GSTA5: variants seen among roughly 807,000 people sequenced by gnomAD.
GSTA5 encodes glutathione S-transferase A5.
GSTA5 carries 25 observed loss-of-function variants against 21.8 expected under a neutral mutation model. The ratio of observed to expected loss-of-function variants is 1.14; its 90% CI spans 0.83 to 1.60. The LOEUF (loss-of-function observed/expected upper bound fraction) is 1.60, where lower values mean the gene tolerates loss of function less well. GSTA5 is among the 40% of genes most tolerant of loss of function. GSTA5 has a pLI of 0.00. For synonymous variants in GSTA5, 102 were observed against 89.5 expected (o/e 1.14, Z -0.78); for missense variants, 330 against 259.2 (o/e 1.27, Z -1.88).
At chr6:52,836,246 C>G in exon 3 of GSTA5, 1 of 1,613,410 alleles carries the variant, frequency 6.2e-7, no homozygotes. Context: ...AGGGCTCTCT[C>G]CTTCATGTCT....
chr6:52,836,588 T>A (rs1355866756), intron 2 of GSTA5, among the ~76,000 whole-genome samples: 4 of 152,236 alleles, frequency 2.6e-5, no homozygotes, highest in Non-Finnish European at 5.9e-5. Context: ...CTCAGCTCAC[T>A]GTAACCTCTG....
At chr6:52,836,251 A>G in exon 3 of GSTA5, 2 of 1,613,534 alleles carry the variant, frequency 1.2e-6, no homozygotes, top group Non-Finnish European at 1.7e-6. Context: ...TCTCTCCTTC[A>G]TGTCTTTCCC....
At chr6:52,843,683 T>TA (rs2127326021), upstream of GSTA5, among the ~76,000 whole-genome samples, 1 of 152,316 alleles carries the variant, frequency 6.6e-6, no homozygotes, top group African/African-American at 2.4e-5. Flanking sequence ...TGTACTTTCC[T>TA]AACTTGGGAA....
exon 4 of GSTA5, chr6:52,834,146 C>G: frequency 6.2e-7 from 1 of 1,614,146 alleles, no homozygotes; most frequent in Non-Finnish European, 8.5e-7. Context: ...CTTACTTTTT[C>G]AAAGGCAGGG....
At chr6:52,835,998 C>T (rs1764286727) in intron 3 of GSTA5, among the ~76,000 whole-genome samples, 1 of 152,168 alleles carries the variant, frequency 6.6e-6, no homozygotes, top group Non-Finnish European at 1.5e-5. Context: ...CTGGAAACCT[C>T]AGTCAGGTTG....
chr6:52,837,500 G>A (rs898050623), intron 2 of GSTA5, 58 bp downstream of exon 2: 4 of 1,127,608 alleles, frequency 3.5e-6, no homozygotes, highest in African/African-American at 1.5e-5. Flanking sequence ...GCTGCTCAAC[G>A]TTCCTCTGTA....
chr6:52,836,418 C>A (rs912092256), intron 2 of GSTA5, 50 bp from the exon 3 acceptor site: 4 of 1,559,366 alleles, frequency 2.6e-6, no homozygotes, highest in South Asian at 2.4e-5. Flanking sequence ...GAAACCCACC[C>A]TTTTGGGATG....
intron 3 of GSTA5, 41 bp from the exon 4 acceptor site, chr6:52,834,323 C>A: frequency 6.3e-7 from 1 of 1,578,990 alleles, no homozygotes; most frequent in South Asian, 1.2e-5. Flanking sequence ...TGCCTTTTGC[C>A]TTAGATTTTA....
At chr6:52,843,440 A>T (rs34576365), upstream of GSTA5, among the ~76,000 whole-genome samples, 5,953 of 152,254 alleles carry the variant, frequency 0.039, 208 homozygotes, top group South Asian at 0.13. Context: ...AATGATCGCC[A>T]TTCTAACTGG....
At chr6:52,842,994 A>G (rs1227983745), upstream of GSTA5, among the ~76,000 whole-genome samples, 6 of 152,094 alleles carry the variant, frequency 3.9e-5, no homozygotes, top group Non-Finnish European at 8.8e-5. Context: ...GAGTGAGAAC[A>G]TGTGGTGTTT....
intron 1 of GSTA5, among the ~76,000 whole-genome samples, chr6:52,839,887 G>A (rs1764347839): frequency 6.6e-6 from 1 of 152,224 alleles, no homozygotes; most frequent in African/African-American, 2.4e-5. Flanking sequence ...TTTTAACCAC[G>A]TGTTTACTTG....
chr6:52,834,014 G>C, intron 4 of GSTA5, 127 bp downstream of exon 4: 2 of 972,132 alleles, frequency 2.1e-6, no homozygotes, highest in Non-Finnish European at 1.6e-6. Context: ...TTGAGAGTCA[G>C]AGTGCTGCCT....
At chr6:52,835,123 A>C (rs548740481) in intron 3 of GSTA5, among the ~76,000 whole-genome samples, 94 of 152,340 alleles carry the variant, frequency 6.2e-4, no homozygotes, top group African/African-American at 2.2e-3. Flanking sequence ...AATTATTCTT[A>C]TCACCCTGAT....
intron 3 of GSTA5, 152 bp downstream of exon 3, chr6:52,836,084 C>A (rs561337172): frequency 6.0e-5 from 48 of 796,962 alleles, no homozygotes; most frequent in Admixed American, 5.5e-4. Flanking sequence ...TCCCTCATCT[C>A]CATGGGACTC....
At chr6:52,844,973 G>C (rs781745045), upstream of GSTA5, among the ~76,000 whole-genome samples, 1 of 151,890 alleles carries the variant, frequency 6.6e-6, no homozygotes, top group Non-Finnish European at 1.5e-5. Context: ...ATCGTTCTAT[G>C]CATTTGTCTG....
chr6:52,833,684 A>G, intron 4 of GSTA5, among the ~76,000 whole-genome samples: 1 of 152,198 alleles, frequency 6.6e-6, no homozygotes, highest in Middle Eastern at 3.2e-3. Context: ...CTTTTAAAAA[A>G]TACTGATCCC....
At chr6:52,835,263 C>T (rs565504321) in intron 3 of GSTA5, among the ~76,000 whole-genome samples, 1 of 152,178 alleles carries the variant, frequency 6.6e-6, no homozygotes, top group African/African-American at 2.4e-5. Flanking sequence ...CAAAAAGAAT[C>T]CTATAATACT....
intron 3 of GSTA5, among the ~76,000 whole-genome samples, chr6:52,834,707 T>C (rs1214103823): frequency 6.6e-6 from 1 of 152,134 alleles, no homozygotes; most frequent in African/African-American, 2.4e-5. Context: ...CTCTAAGTAA[T>C]CCTAAAAGAA....
At chr6:52,838,580 A>C (rs1404114900) in intron 1 of GSTA5, among the ~76,000 whole-genome samples, 1 of 152,246 alleles carries the variant, frequency 6.6e-6, no homozygotes, top group African/African-American at 2.4e-5. Context: ...GCCAGCAACA[A>C]GGCTGTCTCA....
Sources: allele counts gnomAD v4.1 joint callset (sites outside exome capture counted in the v4.1 genomes callset), GRCh38; gene constraint gnomAD v4.1.1; transcripts MANE v1.5; gene names NCBI Gene and HGNC (gene_info 2026-07-23, HGNC 2026-07-21).